The following TENM3 variants were observed in gnomAD, a reference collection of about 807,000 sequenced individuals.
TENM3 encodes the protein teneurin transmembrane protein 3, also known as teneurin-3.
In TENM3, 63 loss-of-function variants were observed where a neutral mutation model predicts 255.1. That is an observed-to-expected ratio of 0.25 (90% CI 0.20 to 0.30). The LOEUF (loss-of-function observed/expected upper bound fraction) is 0.30. Among genes scored for constraint, TENM3 ranks in the 10% least tolerant of loss-of-function variants. TENM3 has a pLI of 1.00. For missense variants in TENM3, 2,929 were observed against 3,461.1 expected (o/e 0.85, Z 3.86); for synonymous variants, 1,306 against 1,322.3 (o/e 0.99, Z 0.27).
the TENM3 span, among the ~76,000 whole-genome samples, chr4:181,565,312 A>G: frequency 5.9e-5 from 9 of 152,212 alleles, no homozygotes; most frequent in African/African-American, 1.9e-4. Flanking sequence ...TCAACCTACC[A>G]TTAATGATCA....
At chr4:182,506,198 G>A (rs997422344) in intron 3 of TENM3, among the ~76,000 whole-genome samples, 3 of 152,122 alleles carry the variant, frequency 2.0e-5, no homozygotes, top group African/African-American at 7.2e-5. Flanking sequence ...ATATGACCCC[G>A]AAACCATGTT....
At chr4:181,915,468 T>A in the TENM3 span, among the ~76,000 whole-genome samples, 6 of 151,962 alleles carry the variant, frequency 3.9e-5, no homozygotes, top group East Asian at 1.2e-3. Context: ...GGAGTTTTGA[T>A]AGAAAGAAAA....
the TENM3 span, among the ~76,000 whole-genome samples, chr4:182,008,923 T>C: frequency 6.6e-6 from 1 of 152,124 alleles, no homozygotes; most frequent in Non-Finnish European, 1.5e-5. Context: ...CTTTTTGTTT[T>C]TGTTGTTGAT....
At position 182,801,865 on chromosome 4, in the gene TENM3, C is replaced by A. The variant is rs1766993120; in HGVS notation, c.*1514C>A. On this transcript the variant is annotated 3_prime_UTR_variant, in exon 28 of 28. Transcript: ENST00000511685. ...ACGCGTGTGGGAACGAGCCCAGCCG[C>A]CATCTGCACTTCCGTGTCGGCTCAG... 1 of 152,494 alleles carries A rather than the reference C, an allele frequency of 6.6e-6. No individual in the cohort carries two copies. The highest frequency in any genetic ancestry group is 1.5e-5 in the Non-Finnish European group (1 of 68,034). The allele number at this position is 152,494 out of a possible 1,614,324, so 9.4% of individuals were successfully genotyped here.
intron 24 of TENM3, among the ~76,000 whole-genome samples, chr4:182,779,230 C>A (rs965667938): frequency 6.6e-6 from 1 of 151,706 alleles, no homozygotes; most frequent in South Asian, 2.1e-4. Flanking sequence ...ACAACAGTCC[C>A]CAGAGTGTGA....
chr4:181,949,106 G>T, the TENM3 span, among the ~76,000 whole-genome samples: 1 of 152,032 alleles, frequency 6.6e-6, no homozygotes, highest in Non-Finnish European at 1.5e-5. Context: ...AATCATTCCT[G>T]CCTCCAAGCA....
At chr4:182,491,134 T>G (rs1735256882) in intron 3 of TENM3, among the ~76,000 whole-genome samples, 1 of 152,182 alleles carries the variant, frequency 6.6e-6, no homozygotes, top group Admixed American at 6.5e-5. Context: ...ATGAGGTTTT[T>G]CTCTGAATAC....
chr4:181,579,324 G>A, the TENM3 span, among the ~76,000 whole-genome samples: 5 of 152,026 alleles, frequency 3.3e-5, no homozygotes, highest in Admixed American at 1.3e-4. Flanking sequence ...ACTCTGACTC[G>A]TTTGCAAACT....
At chr4:181,705,972 G>C in the TENM3 span, among the ~76,000 whole-genome samples, 3 of 152,082 alleles carry the variant, frequency 2.0e-5, no homozygotes, top group African/African-American at 7.2e-5. Context: ...ATAATAATAA[G>C]TCATTGTATT....
chr4:181,687,834 AC>A, the TENM3 span, among the ~76,000 whole-genome samples: 1 of 152,144 alleles, frequency 6.6e-6, no homozygotes, highest in Admixed American at 6.5e-5. Flanking sequence ...CTGCTCCAAG[AC>A]CTCTACAAGT....
the TENM3 span, among the ~76,000 whole-genome samples, chr4:182,024,934 C>A: frequency 6.6e-6 from 1 of 151,920 alleles, no homozygotes; most frequent in East Asian, 1.9e-4. Flanking sequence ...TGAGAACATG[C>A]ACTGCTTGTG....
At chr4:182,356,636 T>C (rs1046499365) in intron 3 of TENM3, among the ~76,000 whole-genome samples, 1 of 151,868 alleles carries the variant, frequency 6.6e-6, no homozygotes, top group Non-Finnish European at 1.5e-5. Context: ...GAATCAGGAG[T>C]GAAGGGGTCC....
the TENM3 span, among the ~76,000 whole-genome samples, chr4:182,133,639 C>T: frequency 3.3e-5 from 5 of 152,208 alleles, no homozygotes; most frequent in South Asian, 4.1e-4. Flanking sequence ...ATTTATTTTA[C>T]GACTCTTAGA....
intron 4 of TENM3, among the ~76,000 whole-genome samples, chr4:182,625,828 C>T (rs1333050777): frequency 1.3e-5 from 2 of 152,146 alleles, no homozygotes; most frequent in East Asian, 3.9e-4. Context: ...TTTCTACGGG[C>T]TGCTGAGCCT....
At chr4:181,922,193 C>A in the TENM3 span, among the ~76,000 whole-genome samples, 4 of 152,140 alleles carry the variant, frequency 2.6e-5, no homozygotes, top group South Asian at 8.3e-4. Context: ...GTCTAAAATT[C>A]TCTTTTTTGG....
chr4:182,299,643 T>C (rs761233686), intron 1 of TENM3, among the ~76,000 whole-genome samples: 27 of 152,104 alleles, frequency 1.8e-4, no homozygotes, highest in Non-Finnish European at 3.5e-4. Context: ...TCAGGATAAT[T>C]TGGACCAACC....
At chr4:181,503,225 G>A in the TENM3 span, among the ~76,000 whole-genome samples, 1 of 152,036 alleles carries the variant, frequency 6.6e-6, no homozygotes, top group Non-Finnish European at 1.5e-5. Context: ...AAATAGCTGG[G>A]CATGCTGGCC....
chr4:181,732,534 CAGGT>C, the TENM3 span, among the ~76,000 whole-genome samples: 1 of 152,040 alleles, frequency 6.6e-6, no homozygotes, highest in Non-Finnish European at 1.5e-5. Context: ...TTTCATAAAT[CAGGT>C]AGGGCCGTAG....
chr4:182,444,022 AT>A (rs1262028381), intron 3 of TENM3, among the ~76,000 whole-genome samples: 1 of 152,194 alleles, frequency 6.6e-6, no homozygotes, highest in African/African-American at 2.4e-5. Flanking sequence ...AAATATGTCT[AT>A]TGTGGGTGGA....
Sources: allele counts gnomAD v4.1 joint callset (sites outside exome capture counted in the v4.1 genomes callset), GRCh38; gene constraint gnomAD v4.1.1; transcripts MANE v1.5; gene names NCBI Gene and HGNC (gene_info 2026-07-23, HGNC 2026-07-21).